The following PCDHA7 variants were observed in gnomAD, a reference collection of about 807,000 sequenced individuals.
PCDHA7 encodes the protein protocadherin alpha 7.
In PCDHA7, 37 loss-of-function variants were observed where a neutral mutation model predicts 57.2. That is an observed-to-expected ratio of 0.65 (90% CI 0.50 to 0.85). PCDHA7 has a LOEUF of 0.85. Among genes scored for constraint, PCDHA7 ranks in the 40% least tolerant of loss-of-function variants. PCDHA7 has a pLI of 0.00. For missense variants in PCDHA7, 1,188 were observed against 1,241.8 expected (o/e 0.96, Z 0.65); for synonymous variants, 553 against 558.8 (o/e 0.99, Z 0.15).
chr5:140,841,148 C>T, intron 1 of PCDHA7: 1 of 776,052 alleles, frequency 1.3e-6, no homozygotes, highest in Non-Finnish European at 2.0e-6. Context: ...CATGATGTCG[C>T]TGTCTACCAA....
At chr5:140,884,871 A>T (rs1193714340) in intron 1 of PCDHA7, among the ~76,000 whole-genome samples, 1 of 152,210 alleles carries the variant, frequency 6.6e-6, no homozygotes, top group Non-Finnish European at 1.5e-5. Context: ...CCATAATGAA[A>T]TGTGCAAAAC....
At position 140,951,559 on chromosome 5, in the gene PCDHA7, G is replaced by A. The variant is rs545470803; in HGVS notation, c.2356-27390G>A. On this transcript the variant is annotated intron_variant, in intron 1 of 3. Transcript: ENST00000525929. ...AGCAAGGGACGGGGGGAAGTGCTAC[G>A]CACTTTTAAACAACCAGATTTCACG... 1.6e-4 allele frequency among the ~76,000 whole-genome samples: 25 copies of A among 152,040 alleles called. No individual in the cohort carries two copies. The South Asian group carries it at 5.2e-3, about 32-fold the overall frequency.
intron 1 of PCDHA7, among the ~76,000 whole-genome samples, chr5:140,937,364 T>C (rs1471697724): frequency 6.6e-6 from 1 of 152,150 alleles, no homozygotes; most frequent in African/African-American, 2.4e-5. Flanking sequence ...TATTTTATCT[T>C]AATGTTTATG....
chr5:140,884,138 G>A (rs782798249), intron 1 of PCDHA7: 3 of 1,613,410 alleles, frequency 1.9e-6, no homozygotes, highest in South Asian at 1.1e-5. Context: ...CCCGTTCCGC[G>A]TGGGGCTGTA....
intron 3 of PCDHA7, among the ~76,000 whole-genome samples, chr5:141,009,383 C>T (rs2098407441): frequency 6.6e-6 from 1 of 152,198 alleles, no homozygotes; most frequent in African/African-American, 2.4e-5. Flanking sequence ...TGATTGAGCA[C>T]AGGAGGTCGA....
At chr5:140,856,688 A>T in intron 1 of PCDHA7, 1 of 1,597,342 alleles carries the variant, frequency 6.3e-7, no homozygotes, top group Non-Finnish European at 8.6e-7. Context: ...GTTGACAGCA[A>T]CTGATGGAGG....
At chr5:140,993,437 C>A (rs1193523462) in intron 3 of PCDHA7, among the ~76,000 whole-genome samples, 1 of 150,056 alleles carries the variant, frequency 6.7e-6, no homozygotes, top group Non-Finnish European at 1.5e-5. Context: ...AATCCTTATT[C>A]ATTCCTGTTC....
chr5:140,999,712 C>T (rs1411166924), intron 3 of PCDHA7, among the ~76,000 whole-genome samples: 9 of 152,204 alleles, frequency 5.9e-5, no homozygotes, highest in African/African-American at 9.6e-5. Flanking sequence ...TAGCTAACTA[C>T]GGAGACCAGC....
At chr5:140,983,062 G>A (rs575564004) in intron 3 of PCDHA7, among the ~76,000 whole-genome samples, 2 of 152,168 alleles carry the variant, frequency 1.3e-5, no homozygotes, top group South Asian at 4.2e-4. Context: ...TCGGAACCAA[G>A]GCATTGTTTT....
At chr5:140,968,909 G>T in intron 1 of PCDHA7, 1 of 1,614,172 alleles carries the variant, frequency 6.2e-7, no homozygotes, top group East Asian at 2.2e-5. Flanking sequence ...ATTAAGCACA[G>T]TGTCTTTTAT....
intron 1 of PCDHA7, chr5:140,882,945 T>C (rs1554176195): frequency 6.2e-7 from 1 of 1,614,194 alleles, no homozygotes; most frequent in Non-Finnish European, 8.5e-7. Flanking sequence ...ACTGGCACAG[T>C]TCAGCTGCTC....
At chr5:140,931,975 T>C (rs2087911858) in intron 1 of PCDHA7, among the ~76,000 whole-genome samples, 1 of 151,962 alleles carries the variant, frequency 6.6e-6, no homozygotes, top group Non-Finnish European at 1.5e-5. Flanking sequence ...CATATGTGTT[T>C]ATATTTTGCT....
chr5:140,976,897 T>C (rs2096736712), intron 1 of PCDHA7, among the ~76,000 whole-genome samples: 1 of 152,220 alleles, frequency 6.6e-6, no homozygotes, highest in Admixed American at 6.5e-5. Flanking sequence ...CATGCAACAG[T>C]ATGTAATAAA....
At chr5:140,926,972 C>A (rs782504064) in intron 1 of PCDHA7, 2 of 1,609,464 alleles carry the variant, frequency 1.2e-6, no homozygotes. Flanking sequence ...TACTCAGTGC[C>A]GGAGGAGACG....
chr5:140,946,631 T>TATATATATATATATATATATACAC lies in PCDHA7; in HGVS notation c.2356-32317_2356-32316insTATATATATATATATATATACACA, dbSNP rs57893927. Among the ~76,000 whole-genome samples, 100 of 131,838 alleles carry TATATATATATATATATATATACAC rather than the reference T, an allele frequency of 7.6e-4. 3 individuals carry two copies. Among genetic ancestry groups the TATATATATATATATATATATACAC allele is most frequent in the African/African-American group, 2.6e-3 (76 of 28,714 alleles). The allele number at this position is 131,838 out of a possible 152,430, so 86.5% of individuals were successfully genotyped here. A position where few individuals can be genotyped will look rare whatever the true frequency, so the allele number is the denominator to read the frequency against. On this transcript the variant is annotated intron_variant, in intron 1 of 3. Transcript: ENST00000525929. ...TGTGAAATATATATATATATATATA[T>TATATATATATATATATATATACAC]ACAATGGAATACTCATCAGCCATTA...
At chr5:140,891,285 G>T (rs1402021884) in intron 1 of PCDHA7, among the ~76,000 whole-genome samples, 1 of 152,102 alleles carries the variant, frequency 6.6e-6, no homozygotes, top group South Asian at 2.1e-4. Flanking sequence ...GTTATTGGGG[G>T]TACAGGTGGT....
intron 1 of PCDHA7, among the ~76,000 whole-genome samples, chr5:140,887,278 A>G (rs782205714): frequency 5.9e-5 from 9 of 151,950 alleles, no homozygotes; most frequent in Non-Finnish European, 8.8e-5. Flanking sequence ...TTGTATTTTT[A>G]GTAGAGATGG....
intron 1 of PCDHA7, among the ~76,000 whole-genome samples, chr5:140,961,335 A>G (rs548773476): frequency 1.6e-4 from 24 of 152,322 alleles, no homozygotes; most frequent in African/African-American, 5.8e-4. Context: ...TGAGAGACCA[A>G]GAGTGGATCC....
chr5:140,985,488 A>G (rs1554247116), intron 3 of PCDHA7, among the ~76,000 whole-genome samples: 1 of 152,156 alleles, frequency 6.6e-6, no homozygotes, highest in Non-Finnish European at 1.5e-5. Flanking sequence ...CCAGACTCAA[A>G]TAGAGCCTGC....
Sources: allele counts gnomAD v4.1 joint callset (sites outside exome capture counted in the v4.1 genomes callset), GRCh38; gene constraint gnomAD v4.1.1; transcripts MANE v1.5; gene names NCBI Gene and HGNC (gene_info 2026-07-23, HGNC 2026-07-21).